The following TIMM17A variants were observed in gnomAD, a reference collection of about 807,000 sequenced individuals.
The protein encoded by TIMM17A is mitochondrial import inner membrane translocase subunit Tim17-A.
Under a neutral mutation model 26.5 loss-of-function variants are expected in TIMM17A, and 15 were observed. The observed-to-expected ratio is 0.57, with a 90% CI of 0.38 to 0.87. The LOEUF (loss-of-function observed/expected upper bound fraction) is 0.87, where lower values mean the gene tolerates loss of function less well. Among genes scored for constraint, TIMM17A ranks in the 40% least tolerant of loss-of-function variants. TIMM17A has a pLI of 0.00. For missense variants in TIMM17A, 201 were observed against 210.0 expected (o/e 0.96, Z 0.27); for synonymous variants, 80 against 70.8 (o/e 1.13, Z -0.66).
chr1:201,969,034 G>A (rs1417308155), intron 5 of TIMM17A, among the ~76,000 whole-genome samples: 1 of 151,956 alleles, frequency 6.6e-6, no homozygotes, highest in East Asian at 1.9e-4. Context: ...ATATAAATTG[G>A]ATTACCAAGT....
intron 4 of TIMM17A, among the ~76,000 whole-genome samples, chr1:201,964,660 T>A (rs1260131311): frequency 3.7e-5 from 5 of 135,870 alleles, no homozygotes; most frequent in Admixed American, 2.3e-4. Flanking sequence ...TTTTTTTTTT[T>A]TTTTTTGAGA....
chr1:201,967,067 G>A (rs377571520), intron 5 of TIMM17A, among the ~76,000 whole-genome samples: 30 of 149,140 alleles, frequency 2.0e-4, no homozygotes, highest in African/African-American at 6.6e-4. Flanking sequence ...TGGCATTTGG[G>A]AAGGAAAAAA....
At chr1:201,961,927 C>T (rs1392445406) in intron 3 of TIMM17A, among the ~76,000 whole-genome samples, 1 of 151,882 alleles carries the variant, frequency 6.6e-6, no homozygotes, top group African/African-American at 2.4e-5. Context: ...GGCTGCCTTC[C>T]TTGAGAATCT....
At chr1:201,968,617 G>A (rs575457363) in intron 5 of TIMM17A, among the ~76,000 whole-genome samples, 1 of 151,888 alleles carries the variant, frequency 6.6e-6, no homozygotes, top group Non-Finnish European at 1.5e-5. Flanking sequence ...CAGGTGATCT[G>A]CCCGCCTCAA....
chr1:201,966,920 GTATGTTATATGTTGTATA>G (rs1328596877), intron 5 of TIMM17A, among the ~76,000 whole-genome samples: 37 of 145,398 alleles, frequency 2.5e-4, no homozygotes, highest in African/African-American at 9.1e-4. Flanking sequence ...TATATAATAT[GTATGTTATATGTTGTATA>G]TATGTTATGT....
rs375204630 is a variant in TIMM17A, at chr1:201,957,267, C to A, written c.27-14C>A. On this transcript the variant is annotated splice_polypyrimidine_tract_variant and intron_variant, in intron 1 of 5. Coordinates refer to ENST00000367287, the MANE Select transcript of TIMM17A (RefSeq NM_006335.3). ...GAATGAGAAATATGGTCTTTTTTTT[C>A]CCCCTGTTCTTAGCCCATGGCGAAT... The A allele has an allele frequency of 3.4e-6, 5 of 1,462,686 alleles. No individual in the cohort carries two copies. Among genetic ancestry groups the A allele is most frequent in the Non-Finnish European group, 4.7e-6 (5 of 1,060,124 alleles). 90.6% of individuals were successfully genotyped at this position (1,462,686 alleles called of 1,614,324 possible). A position where few individuals can be genotyped will look rare whatever the true frequency, so the allele number is the denominator to read the frequency against.
Position 201,957,326 on chromosome 1 carries a change from T to G in TIMM17A, c.72T>G (p.Gly24=). 1 of 1,614,110 alleles carries G rather than the reference T, an allele frequency of 6.2e-7. No individual in the cohort carries two copies. ...VDDCGGAFTM[G]TIGGGIFQAI... is the part of the protein sequence containing the mutation. ...ACTGTGGTGGGGCCTTTACGATGGG[T>G]ACCATTGGTGGTGGTATCTTTCAAG... The change falls in exon 2 of 6, where the codon GGT becomes GGG. Residue 24 remains glycine (G), a synonymous_variant. Transcript: ENST00000367287.
At chr1:201,957,136 C>G (rs1187551347) in intron 1 of TIMM17A, 145 bp from the exon 2 acceptor site, 1 of 598,036 alleles carries the variant, frequency 1.7e-6, no homozygotes, top group African/African-American at 1.9e-5. Context: ...AGCATTTCCT[C>G]AAGTCATTTT....
intron 5 of TIMM17A, among the ~76,000 whole-genome samples, chr1:201,966,991 T>TTATGTGTGTGTG (rs572223784): frequency 0.14 from 18,232 of 132,878 alleles, 1,428 homozygotes; most frequent in East Asian, 0.21. Flanking sequence ...ATTATATATG[T>TTATGTGTGTGTG]TGTGTGTGTG....
In TIMM17A at chr1:201,970,087, T is replaced by C. The variant is rs1682707364; in HGVS notation, c.*533T>C. The stretch of plus-strand genomic sequence containing the variant: ...GATCATTTCACAGTGAGATGCTTTA[T>C]GGATTGAAGGATATGGTAAAATGTT... On this transcript the variant is annotated 3_prime_UTR_variant, in exon 6 of 6. Transcript: ENST00000367287. The C allele has an allele frequency of 6.6e-6, 1 of 152,446 alleles. No individual in the cohort carries two copies. Among genetic ancestry groups the C allele is most frequent in the Non-Finnish European group, 1.5e-5 (1 of 68,234 alleles). 9.4% of individuals were successfully genotyped at this position (152,446 alleles called of 1,614,324 possible). A position where few individuals can be genotyped will look rare whatever the true frequency, so the allele number is the denominator to read the frequency against.
intron 3 of TIMM17A, among the ~76,000 whole-genome samples, chr1:201,959,914 T>A (rs1300477058): frequency 6.6e-6 from 1 of 151,962 alleles, no homozygotes; most frequent in Non-Finnish European, 1.5e-5. Context: ...GGCACAAGAA[T>A]GGCTGAACCC....
At chr1:201,963,902 A>C (rs1333971913) in intron 4 of TIMM17A, among the ~76,000 whole-genome samples, 158 bp downstream of exon 4, 1 of 152,204 alleles carries the variant, frequency 6.6e-6, no homozygotes. Context: ...AGGCAGGTAG[A>C]TTGCACAAGT....
In TIMM17A at chr1:201,969,738, C is replaced by T. The variant is rs1016403346; in HGVS notation, c.*184C>T. On this transcript the variant is annotated 3_prime_UTR_variant, in exon 6 of 6. Coordinates refer to ENST00000367287, the MANE Select transcript of TIMM17A (RefSeq NM_006335.3). ...CGGGGAAGGGTGCTAAAAGATAATA[C>T]GTTTATTTATTCACACTTGAATTGC... 2.0e-5 allele frequency: 9 copies of T among 455,902 alleles called. No homozygotes were observed. The highest frequency in any genetic ancestry group is 7.2e-5 in the East Asian group (2 of 27,940). The allele number at this position is 455,902 out of a possible 1,614,324, so 28.2% of individuals were successfully genotyped here.
At chr1:201,962,309 T>C (rs1682547534) in intron 3 of TIMM17A, 1 of 152,216 alleles carries the variant, frequency 6.6e-6, no homozygotes, top group Non-Finnish European at 1.5e-5. Flanking sequence ...ATGAGGATGC[T>C]TATGCTATAC....
chr1:201,961,066 CTTTTTTTT>C (rs71141429), intron 3 of TIMM17A, among the ~76,000 whole-genome samples: 2 of 136,064 alleles, frequency 1.5e-5, no homozygotes, highest in Admixed American at 7.5e-5. Flanking sequence ...CTTATATTTT[CTTTTTTTT>C]TTTTTTTTGA....
At chr1:201,957,759 C>A in intron 3 of TIMM17A, 185 bp downstream of exon 3, 1 of 536,078 alleles carries the variant, frequency 1.9e-6, no homozygotes, top group Non-Finnish European at 3.2e-6. Context: ...AATTATGATA[C>A]CCATTTGAAA....
chr1:201,955,582 C>T lies in TIMM17A; in HGVS notation c.26+30C>T, dbSNP rs568335286. ...GCTTCACCGCTGTCTTTGCATTTCT[C>T]TTGCCCCCCTGCCCACTGCCCTCCT... is the stretch of plus-strand genomic sequence containing the variant. On this transcript the variant is annotated intron_variant, in intron 1 of 5. Transcript: ENST00000367287. 164 of 1,614,206 alleles carry T rather than the reference C, an allele frequency of 1.0e-4. No homozygotes were observed. In the South Asian group the frequency reaches 1.1e-3, roughly 10 times the overall value.
intron 4 of TIMM17A, among the ~76,000 whole-genome samples, chr1:201,964,820 T>C (rs1682599591): frequency 6.7e-6 from 1 of 150,006 alleles, no homozygotes; most frequent in Non-Finnish European, 1.5e-5. Context: ...GGCTAATTTT[T>C]TGTATTTTTA....
At chr1:201,957,487 G>T (rs778957198) in intron 2 of TIMM17A, 24 bp from the exon 3 acceptor site, 1 of 1,608,986 alleles carries the variant, frequency 6.2e-7, no homozygotes. Context: ...TATATTTTTT[G>T]TTGCTTCCTT....
Sources: allele counts gnomAD v4.1 joint callset (sites outside exome capture counted in the v4.1 genomes callset), GRCh38; gene constraint gnomAD v4.1.1; transcripts MANE v1.5; gene names NCBI Gene and HGNC (gene_info 2026-07-23, HGNC 2026-07-21).